The following TCERG1L variants were observed in gnomAD, a reference collection of about 807,000 sequenced individuals.
The protein encoded by TCERG1L is transcription elongation regulator 1-like protein.
TCERG1L carries 37 observed loss-of-function variants against 56.3 expected under a neutral mutation model. The ratio of observed to expected loss-of-function variants is 0.66; its 90% CI spans 0.51 to 0.87. The LOEUF (loss-of-function observed/expected upper bound fraction) is 0.87. Among genes scored for constraint, TCERG1L ranks in the 40% least tolerant of loss-of-function variants. TCERG1L has a pLI of 0.00. For missense variants in TCERG1L, 799 were observed against 774.2 expected (o/e 1.03, Z -0.38); for synonymous variants, 324 against 326.3 (o/e 0.99, Z 0.08).
At chr10:131,196,151 G>A (rs566803497) in intron 4 of TCERG1L, among the ~76,000 whole-genome samples, 1 of 152,314 alleles carries the variant, frequency 6.6e-6, no homozygotes, top group African/African-American at 2.4e-5. Context: ...AAAAATTAAC[G>A]GATCTTGGCT....
At position 131,206,688 on chromosome 10, in the gene TCERG1L, T is replaced by G. The variant is rs1245370372; in HGVS notation, c.857-39803A>C. 2.0e-5 allele frequency among the ~76,000 whole-genome samples: 3 copies of G among 152,166 alleles called. No individual in the cohort carries two copies. The East Asian group carries it at 5.8e-4, about 29-fold the overall frequency. On this transcript the variant is annotated intron_variant, in intron 4 of 11. Coordinates refer to ENST00000368642, the MANE Select transcript of TCERG1L (RefSeq NM_174937.4). The stretch of plus-strand genomic sequence containing the variant: ...CATCGTGAGGGGTGCAGGGTCCTCC[T>G]GGAGCCCAGAAGTAGCAGCTGAGCT...
intron 6 of TCERG1L, among the ~76,000 whole-genome samples, chr10:131,147,365 A>G (rs564524529): frequency 1.1e-4 from 17 of 152,330 alleles, no homozygotes; most frequent in African/African-American, 3.8e-4. Context: ...GAAAGGAAAA[A>G]AGTCCCTCCC....
intron 4 of TCERG1L, among the ~76,000 whole-genome samples, chr10:131,219,465 C>T (rs192817444): frequency 2.0e-5 from 3 of 152,192 alleles, no homozygotes; most frequent in Non-Finnish European, 4.4e-5. Context: ...GTGGGTGGAC[C>T]CTTAGCTTAC....
intron 4 of TCERG1L, among the ~76,000 whole-genome samples, chr10:131,173,136 C>G (rs959571537): frequency 6.6e-6 from 1 of 152,052 alleles, no homozygotes; most frequent in South Asian, 2.1e-4. Flanking sequence ...GGTGATCCAC[C>G]CGCCTCAGCC....
intron 3 of TCERG1L, among the ~76,000 whole-genome samples, chr10:131,273,598 G>A (rs1846362557): frequency 6.6e-6 from 1 of 152,208 alleles, no homozygotes; most frequent in South Asian, 2.1e-4. Flanking sequence ...CTCCATCCAG[G>A]CCCCTGGGCT....
intron 3 of TCERG1L, among the ~76,000 whole-genome samples, chr10:131,295,691 C>T (rs948006078): frequency 5.3e-5 from 8 of 152,142 alleles, no homozygotes; most frequent in Admixed American, 5.2e-4. Context: ...TGCGCATATC[C>T]ATCATCTCGA....
intron 3 of TCERG1L, among the ~76,000 whole-genome samples, chr10:131,289,218 A>G (rs1180931642): frequency 6.6e-6 from 1 of 151,574 alleles, no homozygotes; most frequent in Non-Finnish European, 1.5e-5. Context: ...AGACAGCGTT[A>G]TCTTCATTTC....
intron 3 of TCERG1L, among the ~76,000 whole-genome samples, chr10:131,301,332 G>T (rs967923997): frequency 6.6e-6 from 1 of 151,916 alleles, no homozygotes; most frequent in African/African-American, 2.4e-5. Context: ...TATGTATCCA[G>T]ATTATAATTA....
chr10:131,190,925 A>T lies in TCERG1L; in HGVS notation c.857-24040T>A, dbSNP rs184598325. On this transcript the variant is annotated intron_variant, in intron 4 of 11. Transcript: ENST00000368642. ...TCCAAATTGGAAAAGAGGAAGTTAAACTATCGCTGTTTGCAGATGATATGA... is the reference window on the plus strand; with the variant it reads ...TCCAAATTGGAAAAGAGGAAGTTAATCTATCGCTGTTTGCAGATGATATGA... Among the ~76,000 whole-genome samples the T allele has an allele frequency of 6.3e-4, 91 of 144,326 alleles. 11 individuals carry two copies. The Middle Eastern group carries it at 0.022, about 35-fold the overall frequency. The allele number at this position is 144,326 out of a possible 152,430, so 94.7% of individuals were successfully genotyped here.
intron 4 of TCERG1L, among the ~76,000 whole-genome samples, chr10:131,169,455 C>T (rs554411400): frequency 4.6e-5 from 7 of 152,238 alleles, no homozygotes; most frequent in South Asian, 2.1e-4. Context: ...AGCGATGGGA[C>T]GAGGGAAGTT....
chr10:131,310,479 G>A (rs1390365877), intron 1 of TCERG1L, among the ~76,000 whole-genome samples: 2 of 152,170 alleles, frequency 1.3e-5, no homozygotes, highest in Non-Finnish European at 2.9e-5. Context: ...CATAACACCC[G>A]TTTGAATATG....
intron 4 of TCERG1L, among the ~76,000 whole-genome samples, chr10:131,196,797 T>G (rs1157191255): frequency 6.6e-6 from 1 of 152,236 alleles, no homozygotes; most frequent in East Asian, 1.9e-4. Context: ...AGCATTGACC[T>G]CTGCTGTCAT....
Position 131,260,197 on chromosome 10 carries a change from C to T in TCERG1L, c.856+62G>A. 1 of 1,283,200 alleles carries T rather than the reference C, an allele frequency of 7.8e-7. No individual in the cohort carries two copies. The highest frequency in any genetic ancestry group is 9.9e-7 in the Non-Finnish European group (1 of 1,013,392). The allele number at this position is 1,283,200 out of a possible 1,614,324, so 79.5% of individuals were successfully genotyped here. On this transcript the variant is annotated intron_variant, in intron 4 of 11. Coordinates refer to ENST00000368642, the MANE Select transcript of TCERG1L (RefSeq NM_174937.4). The surrounding 1 kb of genome is among the most constrained non-coding windows in gnomAD (Gnocchi z 5.8). Reference sequence around the variant, plus strand: ...TGGGCCCAGGCCAGGGGCATCTAACCAGGAAGCCTCCGCGCGCTCGCTAAG... The same window carrying T: ...TGGGCCCAGGCCAGGGGCATCTAACTAGGAAGCCTCCGCGCGCTCGCTAAG...
At chr10:131,266,821 T>C (rs1307651407) in intron 3 of TCERG1L, among the ~76,000 whole-genome samples, 1 of 151,586 alleles carries the variant, frequency 6.6e-6, no homozygotes, top group African/African-American at 2.4e-5. Flanking sequence ...TCTGCTGCTC[T>C]CTGCAGCTGA....
At chr10:131,142,803 T>C (rs779619646) in intron 7 of TCERG1L, among the ~76,000 whole-genome samples, 4 of 152,132 alleles carry the variant, frequency 2.6e-5, no homozygotes, top group Non-Finnish European at 5.9e-5. Flanking sequence ...CCCCCACCAT[T>C]CCCAAGCAAT....
At chr10:131,104,186 A>G in intron 10 of TCERG1L, 79 bp downstream of exon 10, 1 of 1,064,688 alleles carries the variant, frequency 9.4e-7, no homozygotes, top group South Asian at 1.4e-5. Flanking sequence ...TTGAGCAATG[A>G]AAAGCTCCCC....
chr10:131,195,122 A>G (rs141091813), intron 4 of TCERG1L, among the ~76,000 whole-genome samples: 365 of 152,270 alleles, frequency 2.4e-3, no homozygotes, highest in Admixed American at 4.9e-3. Flanking sequence ...CGAGGAACAG[A>G]CGTGAAATGG....
chr10:131,282,464 G>T (rs895001430), intron 3 of TCERG1L, among the ~76,000 whole-genome samples: 1 of 152,126 alleles, frequency 6.6e-6, no homozygotes, highest in Non-Finnish European at 1.5e-5. Context: ...AGAAACCAGC[G>T]AAAGTAACCT....
At chr10:131,214,721 C>T (rs574808682) in intron 4 of TCERG1L, among the ~76,000 whole-genome samples, 53 of 152,282 alleles carry the variant, frequency 3.5e-4, no homozygotes, top group East Asian at 1.4e-3. Flanking sequence ...GTGGTGTCCA[C>T]GCAGTGGGAA....
Sources: allele counts gnomAD v4.1 joint callset (sites outside exome capture counted in the v4.1 genomes callset), GRCh38; gene constraint gnomAD v4.1.1; non-coding constraint Gnocchi (gnomAD v3.1); transcripts MANE v1.5; gene names NCBI Gene and HGNC (gene_info 2026-07-23, HGNC 2026-07-21).